TASP1: variants seen among roughly 807,000 people sequenced by gnomAD.
TASP1 encodes the protein threonine aspartase 1.
TASP1 carries 16 observed loss-of-function variants against 56.6 expected under a neutral mutation model. That is an observed-to-expected ratio of 0.28 (90% CI 0.19 to 0.43). The LOEUF (loss-of-function observed/expected upper bound fraction) is 0.43, where lower values mean the gene tolerates loss of function less well. Ranked by LOEUF, TASP1 falls within the 20% of genes least tolerant of loss-of-function variation. The probability of loss-of-function intolerance (pLI) is 1.00; values close to 1 mark genes in which losing one functional copy is unlikely to be tolerated. For synonymous variants in TASP1, 179 were observed against 184.2 expected, an observed-to-expected ratio of 0.97 and a Z score of 0.23; for missense variants, 393 against 511.6, an observed-to-expected ratio of 0.77 and a Z score of 2.24.
At chr20:13,187,142 G>A in the TASP1 span, among the ~76,000 whole-genome samples, 7 of 152,072 alleles carry the variant, frequency 4.6e-5, no homozygotes, top group Admixed American at 1.3e-4. Flanking sequence ...AAGAATCAGC[G>A]CGCTTGGAGA....
intron 11 of TASP1, among the ~76,000 whole-genome samples, chr20:13,472,421 T>C (rs1173424241): frequency 6.6e-6 from 1 of 151,002 alleles, no homozygotes; most frequent in Non-Finnish European, 1.5e-5. Context: ...GACATAGGCG[T>C]GGGCAAAGAC....
the TASP1 span, among the ~76,000 whole-genome samples, chr20:13,243,397 T>G: frequency 1.3e-5 from 2 of 152,148 alleles, no homozygotes; most frequent in Non-Finnish European, 2.9e-5. Flanking sequence ...GGAAATGTAT[T>G]CCCTGATAAG....
At chr20:13,363,594 A>C in the TASP1 span, among the ~76,000 whole-genome samples, 1 of 152,240 alleles carries the variant, frequency 6.6e-6, no homozygotes, top group South Asian at 2.1e-4. Context: ...ATTGGTCAGA[A>C]GTCTAAGTGA....
At chr20:13,207,057 G>C in the TASP1 span, among the ~76,000 whole-genome samples, 1 of 152,162 alleles carries the variant, frequency 6.6e-6, no homozygotes, top group South Asian at 2.1e-4. Context: ...AGACAATTCA[G>C]CTCATTTTTC....
intron 11 of TASP1, among the ~76,000 whole-genome samples, chr20:13,453,424 T>G (rs2043702959): frequency 6.6e-6 from 1 of 152,068 alleles, no homozygotes; most frequent in African/African-American, 2.4e-5. Context: ...GAGTTAACTG[T>G]TTAATGGAAT....
the TASP1 span, chr20:13,126,571 G>T: frequency 1.9e-6 from 3 of 1,612,128 alleles, no homozygotes; most frequent in Middle Eastern, 1.7e-4. Context: ...TTCTTTTTGG[G>T]TTTCCCCTCT....
chr20:13,405,747 G>A (rs941788590), intron 13 of TASP1, among the ~76,000 whole-genome samples: 38 of 148,790 alleles, frequency 2.6e-4, no homozygotes, highest in African/African-American at 8.8e-4. Context: ...TAGTAGAGAC[G>A]GGATTCCACC....
the TASP1 span, among the ~76,000 whole-genome samples, chr20:13,235,049 C>T: frequency 6.6e-6 from 1 of 152,152 alleles, no homozygotes; most frequent in Admixed American, 6.6e-5. Context: ...TGTTATCCAG[C>T]TATTGCCTAA....
chr20:13,485,277 A>T (rs1674324485), intron 10 of TASP1, among the ~76,000 whole-genome samples: 1 of 152,206 alleles, frequency 6.6e-6, no homozygotes, highest in African/African-American at 2.4e-5. Flanking sequence ...ATGTCATATT[A>T]TAAATAGTCA....
At chr20:13,416,506 C>T (rs916734043) in intron 13 of TASP1, among the ~76,000 whole-genome samples, 6 of 152,102 alleles carry the variant, frequency 3.9e-5, no homozygotes, top group African/African-American at 1.4e-4. Flanking sequence ...AAAGGATAGT[C>T]AGGATAGGTA....
At chr20:13,398,339 G>A (rs2123629756) in intron 13 of TASP1, among the ~76,000 whole-genome samples, 1 of 151,918 alleles carries the variant, frequency 6.6e-6, no homozygotes, top group Non-Finnish European at 1.5e-5. Flanking sequence ...TTCTCAAGCT[G>A]ACTTCTGCTG....
At chr20:13,240,356 G>C in the TASP1 span, among the ~76,000 whole-genome samples, 1 of 152,190 alleles carries the variant, frequency 6.6e-6, no homozygotes, top group Non-Finnish European at 1.5e-5. Flanking sequence ...CCTACTAAAA[G>C]AGGGTGGTCA....
intron 10 of TASP1, among the ~76,000 whole-genome samples, chr20:13,521,167 CT>C (rs1297251054): frequency 6.6e-6 from 1 of 152,166 alleles, no homozygotes; most frequent in Non-Finnish European, 1.5e-5. Flanking sequence ...CACTTTTACA[CT>C]GTTGGTGGGA....
At chr20:13,460,067 T>C (rs1243522761) in intron 11 of TASP1, among the ~76,000 whole-genome samples, 1 of 152,130 alleles carries the variant, frequency 6.6e-6, no homozygotes, top group Non-Finnish European at 1.5e-5. Context: ...ACTCACTGTT[T>C]CCTATTTATC....
the TASP1 span, among the ~76,000 whole-genome samples, chr20:13,323,169 A>C: frequency 6.6e-6 from 1 of 152,164 alleles, no homozygotes; most frequent in Non-Finnish European, 1.5e-5. Flanking sequence ...ACAGTCCCCA[A>C]ATATTACTTG....
intron 10 of TASP1, among the ~76,000 whole-genome samples, chr20:13,527,377 C>T (rs1463943271): frequency 1.3e-5 from 2 of 152,062 alleles, no homozygotes; most frequent in East Asian, 3.9e-4. Flanking sequence ...CATATTTGTC[C>T]ACTCTCCCGA....
chr20:13,457,543 T>C (rs1030976370), intron 11 of TASP1, among the ~76,000 whole-genome samples: 1 of 152,162 alleles, frequency 6.6e-6, no homozygotes, highest in Admixed American at 6.6e-5. Flanking sequence ...ATTTTATAGA[T>C]GTTTTTCTGT....
At chr20:13,132,216 AC>A in the TASP1 span, among the ~76,000 whole-genome samples, 1 of 122,394 alleles carries the variant, frequency 8.2e-6, no homozygotes, top group African/African-American at 3.2e-5. Context: ...TCACTCTGTC[AC>A]CCAGGCTGGA....
intron 4 of TASP1, among the ~76,000 whole-genome samples, chr20:13,587,849 G>C (rs1326815708): frequency 3.3e-5 from 5 of 152,120 alleles, no homozygotes; most frequent in African/African-American, 9.7e-5. Flanking sequence ...GGCCAGGCCA[G>C]GCGCAGTGGC....
Sources: gnomAD v4.1 joint callset for allele counts (sites outside exome capture counted in the v4.1 genomes callset) on GRCh38, gnomAD v4.1.1 for gene constraint, MANE v1.5 for transcripts, NCBI Gene and HGNC (gene_info 2026-07-23, HGNC 2026-07-21) for gene names.